The following RAB29 variants were observed in gnomAD, a reference collection of about 807,000 sequenced individuals.
RAB29 encodes the protein ras-related protein Rab-29.
In RAB29, 13 loss-of-function variants were observed where a neutral mutation model predicts 25.5. That is an observed-to-expected ratio of 0.51 (90% CI 0.33 to 0.81). RAB29 has a LOEUF of 0.81. Ranked by LOEUF, RAB29 falls within the 30% of genes least tolerant of loss-of-function variation. The probability of loss-of-function intolerance (pLI) is 0.02; values close to 1 mark genes in which losing one functional copy is unlikely to be tolerated. For synonymous variants in RAB29, 88 were observed against 95.0 expected (o/e 0.93, Z 0.43); for missense variants, 201 against 254.9 (o/e 0.79, Z 1.44).
In RAB29 at chr1:205,768,190, G is replaced by A. The variant is rs1185089037; in HGVS notation, c.*2152C>T. The A allele has an allele frequency of 2.0e-5, 3 of 152,134 alleles. No homozygotes were observed. Among genetic ancestry groups the A allele is most frequent in the Admixed American group, 1.3e-4 (2 of 15,268 alleles). The allele number at this position is 152,134 out of a possible 1,614,324, so 9.4% of individuals were successfully genotyped here. ...AAGACTGTGCAAGTTAAAATAATTG[G>A]CATTAAAACGACACACAACAAACCA... On this transcript the variant is annotated 3_prime_UTR_variant, in exon 6 of 6. Transcript: ENST00000367139.
intron 2 of RAB29, 149 bp from the exon 3 acceptor site, chr1:205,772,716 G>C: frequency 1.4e-6 from 1 of 739,980 alleles, no homozygotes; most frequent in East Asian, 2.7e-5. Context: ...ACTGAGATGA[G>C]TCCACATGCG....
At position 205,775,314 on chromosome 1, in the gene RAB29, C is replaced by T. The variant is rs1217950461; in HGVS notation, c.-172G>A. The stretch of plus-strand genomic sequence containing the variant: ...CGGCTCCAAGTCAGTGACTGAATCC[C>T]AGTCAGCTCCTTACACCACTGGGGC... On this transcript the variant is annotated 5_prime_UTR_variant, in exon 1 of 6. Coordinates refer to ENST00000367139, the MANE Select transcript of RAB29 (RefSeq NM_003929.3). 1 of 250,880 alleles carries T rather than the reference C, an allele frequency of 4.0e-6. No homozygotes were observed. Among genetic ancestry groups the T allele is most frequent in the Non-Finnish European group, 7.8e-6 (1 of 128,468 alleles). 15.5% of individuals were successfully genotyped at this position (250,880 alleles called of 1,614,324 possible).
rs539963103 is a variant in RAB29, at chr1:205,768,574, C to T, written c.*1768G>A. ...TGGAGATGGAGTTTCACTCTTGTTG[C>T]CCAGGCTGAAGCGCAATGGTGTGAT... is the stretch of plus-strand genomic sequence containing the variant. On this transcript the variant is annotated 3_prime_UTR_variant, in exon 6 of 6. Transcript: ENST00000367139. 1 of 149,312 alleles carries T rather than the reference C, an allele frequency of 6.7e-6. No individual in the cohort carries two copies. Among genetic ancestry groups the T allele is most frequent in the Admixed American group, 6.7e-5 (1 of 14,860 alleles). The allele number at this position is 149,312 out of a possible 1,614,324, so 9.2% of individuals were successfully genotyped here.
In RAB29 at chr1:205,768,312, G is replaced by C. The variant is rs1654812334; in HGVS notation, c.*2030C>G. On this transcript the variant is annotated 3_prime_UTR_variant, in exon 6 of 6. Transcript: ENST00000367139. ...TCTGTGTAGCAGAATCACCTGAAAAGCTAACAGAATATATAGAAACCCAGG... is the reference window on the plus strand; with the variant it reads ...TCTGTGTAGCAGAATCACCTGAAAACCTAACAGAATATATAGAAACCCAGG... The C allele has an allele frequency of 6.6e-6, 1 of 152,122 alleles. No homozygotes were observed. Among genetic ancestry groups the C allele is most frequent in the South Asian group, 2.1e-4 (1 of 4,824 alleles). The allele number at this position is 152,122 out of a possible 1,614,324, so 9.4% of individuals were successfully genotyped here. A position where few individuals can be genotyped will look rare whatever the true frequency, so the allele number is the denominator to read the frequency against.
intron 5 of RAB29, 107 bp from the exon 6 acceptor site, chr1:205,770,560 T>C: frequency 7.2e-7 from 1 of 1,398,340 alleles, no homozygotes; most frequent in Non-Finnish European, 9.9e-7. Context: ...CCAGAAGGTT[T>C]AAATGCCCCT....
At position 205,775,053 on chromosome 1, in the gene RAB29, G is replaced by A; in HGVS notation, c.-97C>T. The A allele has an allele frequency of 3.4e-6, 5 of 1,481,868 alleles. No homozygotes were observed. Among genetic ancestry groups the A allele is most frequent in the Non-Finnish European group, 4.6e-6 (5 of 1,084,004 alleles). 91.8% of individuals were successfully genotyped at this position (1,481,868 alleles called of 1,614,324 possible). On this transcript the variant is annotated 5_prime_UTR_variant, in exon 2 of 6. Transcript: ENST00000367139. Reference sequence around the variant, plus strand: ...TTTGGATCCGGACCCTCTTCAAACTGAAGTGAGGCATTCCCACCCACCGCC... The same window carrying A: ...TTTGGATCCGGACCCTCTTCAAACTAAAGTGAGGCATTCCCACCCACCGCC...
rs1655079564 is a variant in RAB29, at chr1:205,772,485, T to G, written c.196+11A>C. The stretch of plus-strand genomic sequence containing the variant: ...TTCTTCCCTTGTTCCTATCTAGCCC[T>G]CCCACTTTACCTGCAATATCCCACA... On this transcript the variant is annotated intron_variant, in intron 3 of 5. Coordinates refer to ENST00000367139, the MANE Select transcript of RAB29 (RefSeq NM_003929.3). 6.2e-7 allele frequency: 1 copy of G among 1,612,870 alleles called. No individual in the cohort carries two copies. Among genetic ancestry groups the G allele is most frequent in the Non-Finnish European group, 8.5e-7 (1 of 1,178,960 alleles).
intron 2 of RAB29, 40 bp downstream of exon 2, chr1:205,774,793 C>CCACCGA: frequency 8.0e-7 from 1 of 1,245,292 alleles, no homozygotes; most frequent in Non-Finnish European, 1.1e-6. Flanking sequence ...GTCGGGGCCT[C>CCACCGA]CTCCTCCCCC....
At chr1:205,774,795 T>TACAG in intron 2 of RAB29, 38 bp downstream of exon 2, 1 of 860,522 alleles carries the variant, frequency 1.2e-6, no homozygotes, top group Non-Finnish European at 1.8e-6. Context: ...CGGGGCCTCC[T>TACAG]CCTCCCCCTC....
intron 3 of RAB29, 94 bp from the exon 4 acceptor site, chr1:205,771,747 G>C: frequency 8.1e-7 from 1 of 1,235,172 alleles, no homozygotes; most frequent in Non-Finnish European, 1.2e-6. Context: ...TGTCAGATGG[G>C]GCCACTCACT....
chr1:205,770,772 G>A lies in RAB29; in HGVS notation c.461C>T (p.Thr154Ile), dbSNP rs1654949978. The change falls in exon 5 of 6, where the codon ACA becomes ATA. Residue 154 changes from threonine (T) to isoleucine (I), a missense_variant. Thr to Ile is a moderately conservative substitution (Grantham distance 89). Coordinates refer to ENST00000367139, the MANE Select transcript of RAB29 (RefSeq NM_003929.3). ...KENGFTGWTE[T>I]SVKENKNINE... Reference sequence around the variant, plus strand: ...AATATTTTTGTTCTCCTTGACTGATGTTTCTGTCCAACCTGTGAAACCGTT... The same window carrying A: ...AATATTTTTGTTCTCCTTGACTGATATTTCTGTCCAACCTGTGAAACCGTT... The A allele has an allele frequency of 6.2e-7, 1 of 1,614,178 alleles. No individual in the cohort carries two copies. Among genetic ancestry groups the A allele is most frequent in the Admixed American group, 1.7e-5 (1 of 60,018 alleles).
chr1:205,772,362 T>C, intron 3 of RAB29, 134 bp downstream of exon 3: 1 of 909,614 alleles, frequency 1.1e-6, no homozygotes, highest in South Asian at 1.3e-5. Context: ...ATTCAGCTCA[T>C]GTGTCCTCAG....
In RAB29 at chr1:205,769,722, C is replaced by A. The variant is rs139560313; in HGVS notation, c.*620G>T. ...GGGATTACAGGCATGAGCCACCATG[C>A]CCGGCCAAAAAACTTGACTATTCTT... On this transcript the variant is annotated 3_prime_UTR_variant, in exon 6 of 6. Coordinates refer to ENST00000367139, the MANE Select transcript of RAB29 (RefSeq NM_003929.3). 497 of 154,320 alleles carry A rather than the reference C, an allele frequency of 3.2e-3. 4 individuals carry two copies. The highest frequency in any genetic ancestry group is 0.01 in the African/African-American group (431 of 41,564). 9.6% of individuals were successfully genotyped at this position (154,320 alleles called of 1,614,324 possible).
rs760403207 is a variant in RAB29 at position 205,772,520 on chromosome 1, G to T, written c.172C>A (p.Arg58=). The stretch of plus-strand genomic sequence containing the variant: ...CCTGCAATATCCCACAGCTGAAGCC[G>T]CACTATCTCGTAGTCAGACCACTGG... The part of the protein sequence containing the change: ...VLQWSDYEIV[R]LQLWDIAGQE... Residue 58 remains arginine, a synonymous_variant, in exon 3 of 6, where the codon CGG becomes AGG. Coordinates refer to ENST00000367139, the MANE Select transcript of RAB29 (RefSeq NM_003929.3). The T allele has an allele frequency of 1.9e-6, 3 of 1,613,550 alleles. No individual in the cohort carries two copies. The highest frequency in any genetic ancestry group is 2.5e-6 in the Non-Finnish European group (3 of 1,179,874).
chr1:205,772,606 C>T, intron 2 of RAB29, 39 bp from the exon 3 acceptor site: 1 of 1,573,954 alleles, frequency 6.4e-7, no homozygotes, highest in Non-Finnish European at 8.7e-7. Context: ...TAAAATTTCA[C>T]TGTAAAAAAT....
intron 4 of RAB29, 103 bp from the exon 5 acceptor site, chr1:205,770,957 T>C: frequency 7.2e-7 from 1 of 1,393,378 alleles, no homozygotes; most frequent in Admixed American, 1.9e-5. Flanking sequence ...CACCAATGGA[T>C]AAGAACACCA....
At chr1:205,772,171 C>G (rs1655063295) in intron 3 of RAB29, among the ~76,000 whole-genome samples, 1 of 150,656 alleles carries the variant, frequency 6.6e-6, no homozygotes, top group African/African-American at 2.5e-5. Flanking sequence ...TTTACTGTAT[C>G]TATTTTCTGG....
intron 2 of RAB29, 38 bp downstream of exon 2, chr1:205,774,795 T>TCCGGC: frequency 3.5e-6 from 3 of 860,518 alleles, no homozygotes; most frequent in Non-Finnish European, 5.5e-6. Context: ...CGGGGCCTCC[T>TCCGGC]CCTCCCCCTC....
chr1:205,775,092 C>A lies in RAB29; in HGVS notation c.-130-6G>T. On this transcript the variant is annotated splice_region_variant and splice_polypyrimidine_tract_variant and intron_variant, in intron 1 of 5. Transcript: ENST00000367139. ...CCACCCACCGCCTGTCTGGGCTGCT[C>A]TGACGAGAAAGCAAAAAAGGAAACT... 8.3e-7 allele frequency: 1 copy of A among 1,200,408 alleles called. No homozygotes were observed. The highest frequency in any genetic ancestry group is 1.1e-6 in the Non-Finnish European group (1 of 869,576). The allele number at this position is 1,200,408 out of a possible 1,614,324, so 74.4% of individuals were successfully genotyped here. A position where few individuals can be genotyped will look rare whatever the true frequency, so the allele number is the denominator to read the frequency against.
Sources: allele counts gnomAD v4.1 joint callset (sites outside exome capture counted in the v4.1 genomes callset), GRCh38; gene constraint gnomAD v4.1.1; transcripts MANE v1.5; gene names NCBI Gene and HGNC (gene_info 2026-07-23, HGNC 2026-07-21).